The following NAALADL2 variants were observed in gnomAD, a reference collection of about 807,000 sequenced individuals.
NAALADL2 encodes the protein inactive N-acetylated-alpha-linked acidic dipeptidase-like protein 2.
A neutral mutation model predicts 87.2 loss-of-function variants in NAALADL2; 76 were observed. That is an observed-to-expected ratio of 0.87 (90% confidence interval 0.72 to 1.05). The LOEUF (loss-of-function observed/expected upper bound fraction) is 1.05, where lower values mean the gene tolerates loss of function less well. NAALADL2 is among the 50% of genes least tolerant of loss of function. NAALADL2 has a pLI of 0.00. For synonymous variants in NAALADL2, 354 were observed against 331.0 expected, an observed-to-expected ratio of 1.07 and a Z score of -0.75; for missense variants, 1,089 against 945.8, an observed-to-expected ratio of 1.15 and a Z score of -1.99.
At chr3:174,501,770 T>C (rs1718911337) in intron 1 of NAALADL2, among the ~76,000 whole-genome samples, 1 of 152,024 alleles carries the variant, frequency 6.6e-6, no homozygotes, top group African/African-American at 2.4e-5. Flanking sequence ...ATATTGGTAA[T>C]TTATATCTTT....
At chr3:174,751,771 G>C (rs1177068159) in intron 3 of NAALADL2, among the ~76,000 whole-genome samples, 1 of 151,488 alleles carries the variant, frequency 6.6e-6, no homozygotes, top group East Asian at 1.9e-4. Context: ...TTTCATGTAC[G>C]CTTACATTGT....
intron 2 of NAALADL2, among the ~76,000 whole-genome samples, chr3:174,723,969 T>G (rs1374824956): frequency 6.7e-6 from 1 of 149,608 alleles, no homozygotes; most frequent in Non-Finnish European, 1.5e-5. Flanking sequence ...CAAATATATA[T>G]GTGTTTGTTC....
chr3:175,608,359 G>T (rs13073614), intron 10 of NAALADL2, among the ~76,000 whole-genome samples: 97,420 of 150,762 alleles, frequency 0.65, 33,640 homozygotes, highest in East Asian at 0.85. Context: ...TCCTAAATCT[G>T]CATTTTCTGT....
chr3:174,701,931 GTTTA>G (rs2108884835), intron 2 of NAALADL2, among the ~76,000 whole-genome samples: 1 of 152,226 alleles, frequency 6.6e-6, no homozygotes, highest in South Asian at 2.1e-4. Context: ...AGACATGTAT[GTTTA>G]TTTCTCTTAA....
chr3:174,981,799 T>A (rs1436602830), intron 1 of NAALADL2, among the ~76,000 whole-genome samples: 1 of 152,162 alleles, frequency 6.6e-6, no homozygotes, highest in East Asian at 1.9e-4. Flanking sequence ...TACCTTTTGT[T>A]TCTTTCCATA....
chr3:175,309,273 C>T (rs1279239594), intron 4 of NAALADL2, among the ~76,000 whole-genome samples: 1 of 151,984 alleles, frequency 6.6e-6, no homozygotes, highest in African/African-American at 2.4e-5. Flanking sequence ...GTAACCTCTA[C>T]CTCCCGGGTT....
At chr3:174,856,855 C>A (rs933398860), upstream of NAALADL2, among the ~76,000 whole-genome samples, 1 of 152,030 alleles carries the variant, frequency 6.6e-6, no homozygotes, top group East Asian at 1.9e-4. Flanking sequence ...GTTACAGCCA[C>A]GGTGTGTGAT....
At chr3:175,355,787 T>C (rs1174998117) in intron 5 of NAALADL2, among the ~76,000 whole-genome samples, 1 of 152,200 alleles carries the variant, frequency 6.6e-6, no homozygotes, top group Non-Finnish European at 1.5e-5. Flanking sequence ...GTAGCTGTTA[T>C]TGTTGTCATC....
intron 11 of NAALADL2, among the ~76,000 whole-genome samples, chr3:175,666,661 C>G (rs943014681): frequency 6.6e-6 from 1 of 152,070 alleles, no homozygotes; most frequent in African/African-American, 2.4e-5. Context: ...TTGTAGCTAG[C>G]AGAATCAGTC....
intron 3 of NAALADL2, among the ~76,000 whole-genome samples, chr3:174,787,502 G>T (rs1314957534): frequency 6.9e-6 from 1 of 143,998 alleles, no homozygotes; most frequent in South Asian, 2.2e-4. Context: ...ATGTTTTCTT[G>T]ACCTCAAGAT....
chr3:175,474,435 GA>G lies in NAALADL2; in HGVS notation c.1653+2679del, dbSNP rs200051307. ...AACACCAGTTTTAAGTACATTTATA[GA>G]ATGTTATTCAAATCAAGGAGTTGGT... On this transcript the variant is annotated intron_variant, in intron 9 of 13. Transcript: ENST00000454872. Among the ~76,000 whole-genome samples the G allele has an allele frequency of 8.8e-3, 1,340 of 152,232 alleles. 9 individuals carry two copies. The highest frequency in any genetic ancestry group is 0.025 in the African/African-American group (1,037 of 41,560).
intron 2 of NAALADL2, among the ~76,000 whole-genome samples, chr3:174,618,405 G>C (rs757544156): frequency 6.6e-6 from 1 of 151,550 alleles, no homozygotes; most frequent in Admixed American, 6.6e-5. Context: ...CTATACAGTG[G>C]GGCCTTAATT....
rs372567407 is a variant in NAALADL2, at chr3:175,588,534, C to T, written c.1800+12347C>T. Among the ~76,000 whole-genome samples, 679 of 78,128 alleles carry T rather than the reference C, an allele frequency of 8.7e-3. 26 individuals carry two copies. Among genetic ancestry groups the T allele is most frequent in the African/African-American group, 0.033 (633 of 19,306 alleles). The allele number at this position is 78,128 out of a possible 152,430, so 51.3% of individuals were successfully genotyped here. On this transcript the variant is annotated intron_variant, in intron 10 of 13. Transcript: ENST00000454872. ...TTAGGAGACTTTCTTTCTTTCTTTTCTTTTTTTTTTTTTTTTTTTTTTGAG... is the reference window on the plus strand; with the variant it reads ...TTAGGAGACTTTCTTTCTTTCTTTTTTTTTTTTTTTTTTTTTTTTTTTGAG...
At chr3:175,383,183 G>A (rs1375182221) in intron 5 of NAALADL2, among the ~76,000 whole-genome samples, 1 of 152,008 alleles carries the variant, frequency 6.6e-6, no homozygotes, top group South Asian at 2.1e-4. Context: ...TGTGTTAGGA[G>A]GCTTTCAGTT....
chr3:175,118,519 G>A (rs1725642140), intron 2 of NAALADL2, among the ~76,000 whole-genome samples: 1 of 151,736 alleles, frequency 6.6e-6, no homozygotes. Context: ...GCAGGCAGGA[G>A]GCGGTAAACA....
chr3:175,404,069 T>C (rs993432190), intron 5 of NAALADL2, among the ~76,000 whole-genome samples: 5 of 152,138 alleles, frequency 3.3e-5, no homozygotes, highest in African/African-American at 9.7e-5. Context: ...AGATGGCATA[T>C]ATTAAAACAT....
Position 175,234,069 on chromosome 3 carries a change from C to T in NAALADL2, c.684C>T (p.Pro228=). 6.2e-7 allele frequency: 1 copy of T among 1,613,912 alleles called. No homozygotes were observed. The highest frequency in any genetic ancestry group is 8.5e-7 in the Non-Finnish European group (1 of 1,179,844). Residue 228 remains proline, a synonymous_variant, in exon 3 of 14, where the codon CCC becomes CCT. Transcript: ENST00000454872. ...SVLLDLPGPS[P]STVTLSSSGQ... is the part of the protein sequence containing the mutation. ...TGCTTGATCTGCCAGGCCCTTCTCC[C>T]AGCACTGTGACTCTGAGCAGCAGTG...
intron 1 of NAALADL2, among the ~76,000 whole-genome samples, chr3:174,472,527 A>G (rs1043418962): frequency 6.6e-6 from 1 of 152,266 alleles, no homozygotes; most frequent in African/African-American, 2.4e-5. Flanking sequence ...TCCATTTACA[A>G]CATTTCCCTT....
intron 11 of NAALADL2, among the ~76,000 whole-genome samples, chr3:175,666,344 C>T (rs936976970): frequency 5.3e-5 from 8 of 151,912 alleles, no homozygotes; most frequent in African/African-American, 1.9e-4. Flanking sequence ...AATCAAATAC[C>T]CTTTATAGAA....
Sources: gnomAD v4.1 joint callset for allele counts (sites outside exome capture counted in the v4.1 genomes callset) on GRCh38, gnomAD v4.1.1 for gene constraint, MANE v1.5 for transcripts, NCBI Gene and HGNC (gene_info 2026-07-23, HGNC 2026-07-21) for gene names.